Variants in MCTP2 observed in about 807,000 individuals in gnomAD.
The protein encoded by MCTP2 is multiple C2 and transmembrane domain-containing protein 2.
A neutral mutation model predicts 111.6 loss-of-function variants in MCTP2; 132 were observed. That is an observed-to-expected ratio of 1.18 (90% CI 1.03 to 1.37). The LOEUF is 1.37. MCTP2 is among the 40% of genes most tolerant of loss of function. The pLI is 0.00. For synonymous variants in MCTP2, 395 were observed against 387.7 expected (o/e 1.02, Z -0.22); for missense variants, 1,183 against 1,067.9 (o/e 1.11, Z -1.50).
intron 17 of MCTP2, among the ~76,000 whole-genome samples, chr15:94,437,521 A>G (rs965926552): frequency 6.6e-6 from 1 of 152,114 alleles, no homozygotes; most frequent in African/African-American, 2.4e-5. Flanking sequence ...AGTTCTGAAT[A>G]TAGAGAAATA....
At chr15:94,370,010 A>C in intron 11 of MCTP2, 77 bp from the exon 12 acceptor site, 1 of 827,874 alleles carries the variant, frequency 1.2e-6, no homozygotes, top group African/African-American at 1.8e-5. Context: ...TCTAGGATGC[A>C]CTTCCTATAG....
intron 8 of MCTP2, among the ~76,000 whole-genome samples, chr15:94,351,372 T>C (rs542494172): frequency 8.5e-5 from 13 of 152,332 alleles, no homozygotes; most frequent in African/African-American, 2.4e-4. Context: ...TAGTTTTACA[T>C]GTTGAAAAAG....
At chr15:94,283,675 G>T (rs2074612037) in intron 1 of MCTP2, among the ~76,000 whole-genome samples, 1 of 152,046 alleles carries the variant, frequency 6.6e-6, no homozygotes. Context: ...TCCTCCCTCT[G>T]TCCCCTCTCA....
At chr15:94,419,305 C>T (rs1023891532) in intron 17 of MCTP2, among the ~76,000 whole-genome samples, 10 of 152,130 alleles carry the variant, frequency 6.6e-5, no homozygotes, top group Admixed American at 6.6e-5. Context: ...GTCAAGTAAA[C>T]ACCAGAAATA....
chr15:94,290,444 A>C (rs2074980948), intron 1 of MCTP2, among the ~76,000 whole-genome samples: 1 of 152,220 alleles, frequency 6.6e-6, no homozygotes, highest in African/African-American at 2.4e-5. Flanking sequence ...ATAACTGATA[A>C]ATTAAAATGG....
At chr15:94,423,633 C>T (rs569832416) in intron 17 of MCTP2, among the ~76,000 whole-genome samples, 2 of 152,220 alleles carry the variant, frequency 1.3e-5, no homozygotes, top group African/African-American at 4.8e-5. Flanking sequence ...TTAAATAAGG[C>T]AAAATGGGGG....
intron 1 of MCTP2, among the ~76,000 whole-genome samples, chr15:94,267,869 CTTTT>C (rs755287019): frequency 1.3e-5 from 1 of 77,454 alleles, no homozygotes; most frequent in Non-Finnish European, 2.2e-5. Flanking sequence ...CCTTTTCTTT[CTTTT>C]TTTTTTTTTT....
In MCTP2 at chr15:94,263,734, C is replaced by A. The variant is rs537799939; in HGVS notation, c.-66+32070C>A. ...TTGAGAGCTGAAACAAGAAGGCAGACATTGCCTTCTTCAGCCTCCTCTGGG... is the reference window on the plus strand; with the variant it reads ...TTGAGAGCTGAAACAAGAAGGCAGAAATTGCCTTCTTCAGCCTCCTCTGGG... On this transcript the variant is annotated intron_variant, in intron 1 of 22. Coordinates refer to ENST00000357742, the MANE Select transcript of MCTP2 (RefSeq NM_001385001.1). 2.0e-5 allele frequency among the ~76,000 whole-genome samples: 3 copies of A among 152,314 alleles called. No individual in the cohort carries two copies. The East Asian group carries it at 5.8e-4, about 29-fold the overall frequency.
intron 17 of MCTP2, among the ~76,000 whole-genome samples, chr15:94,425,522 C>A (rs1455327644): frequency 6.6e-6 from 1 of 151,412 alleles, no homozygotes. Flanking sequence ...ATAAAAAAAA[C>A]AGCAGAATGA....
chr15:94,422,149 G>A (rs2082657032), intron 17 of MCTP2, among the ~76,000 whole-genome samples: 1 of 152,146 alleles, frequency 6.6e-6, no homozygotes, highest in Non-Finnish European at 1.5e-5. Flanking sequence ...CTTTCCCCAA[G>A]GCTGCTAGTA....
At chr15:94,387,567 C>A (rs2080584834) in intron 14 of MCTP2, among the ~76,000 whole-genome samples, 1 of 152,174 alleles carries the variant, frequency 6.6e-6, no homozygotes, top group Admixed American at 6.5e-5. Context: ...GCCTTATGAT[C>A]TGTTGTTCAT....
At position 94,287,130 on chromosome 15, in the gene MCTP2, A is replaced by C. The variant is rs897459; in HGVS notation, c.-65-11071A>C. ...CAGCCTTTCCAAACCTGACTCTTAGATTTATTATTTCTTTAAGTTTTGCTT... is the reference window on the plus strand; with the variant it reads ...CAGCCTTTCCAAACCTGACTCTTAGCTTTATTATTTCTTTAAGTTTTGCTT... On this transcript the variant is annotated intron_variant, in intron 1 of 22. Coordinates refer to ENST00000357742, the MANE Select transcript of MCTP2 (RefSeq NM_001385001.1). Among the ~76,000 whole-genome samples, 259 of 152,204 alleles carry C rather than the reference A, an allele frequency of 1.7e-3. 1 individual carries two copies. The highest frequency in any genetic ancestry group is 6.2e-3 in the African/African-American group (258 of 41,550).
chr15:94,343,977 C>T (rs1360616693), intron 7 of MCTP2: 3 of 151,970 alleles, frequency 2.0e-5, no homozygotes, highest in African/African-American at 7.3e-5. Flanking sequence ...TGTCAAAAGG[C>T]CTAAATAGCC....
intron 17 of MCTP2, among the ~76,000 whole-genome samples, chr15:94,422,487 T>C (rs2082673219): frequency 6.6e-6 from 1 of 152,214 alleles, no homozygotes; most frequent in Admixed American, 6.5e-5. Flanking sequence ...AAAAGCGATC[T>C]TGCCCTTTCC....
chr15:94,437,474 A>G (rs1436273583), intron 17 of MCTP2, among the ~76,000 whole-genome samples: 1 of 152,088 alleles, frequency 6.6e-6, no homozygotes, highest in Admixed American at 6.5e-5. Flanking sequence ...AACATGGAAA[A>G]TCAGTACAGT....
chr15:94,291,644 A>G (rs1413803343), intron 1 of MCTP2, among the ~76,000 whole-genome samples: 1 of 152,234 alleles, frequency 6.6e-6, no homozygotes, highest in Non-Finnish European at 1.5e-5. Flanking sequence ...ATAATTTTAC[A>G]TAAGACATGA....
At chr15:94,276,087 G>A (rs10152240) in intron 1 of MCTP2, among the ~76,000 whole-genome samples, 55,609 of 151,746 alleles carry the variant, frequency 0.37, 10,564 homozygotes, top group East Asian at 0.5. Context: ...CTTGTGATCC[G>A]CCCGCCTTGG....
At chr15:94,413,912 T>C (rs1408653579) in intron 17 of MCTP2, among the ~76,000 whole-genome samples, 1 of 152,152 alleles carries the variant, frequency 6.6e-6, no homozygotes, top group Non-Finnish European at 1.5e-5. Context: ...TTTAAATTGC[T>C]TTTTGTGACT....
At chr15:94,258,809 T>C (rs1013546543) in intron 1 of MCTP2, among the ~76,000 whole-genome samples, 14 of 152,226 alleles carry the variant, frequency 9.2e-5, no homozygotes, top group Admixed American at 8.5e-4. Flanking sequence ...AGTTTTGTTA[T>C]TTGTTTTCCA....
Sources: gnomAD v4.1 joint callset for allele counts (sites outside exome capture counted in the v4.1 genomes callset) on GRCh38, gnomAD v4.1.1 for gene constraint, MANE v1.5 for transcripts, NCBI Gene and HGNC (gene_info 2026-07-23, HGNC 2026-07-21) for gene names.